The following DNAH6 variants were observed in gnomAD, a reference collection of about 807,000 sequenced individuals.
The protein encoded by DNAH6 is dynein axonemal heavy chain 6.
Under a neutral mutation model 491.4 loss-of-function variants are expected in DNAH6, and 340 were observed. That is an observed-to-expected ratio of 0.69 (90% confidence interval 0.63 to 0.76). The LOEUF (loss-of-function observed/expected upper bound fraction) is 0.76. Ranked by LOEUF, DNAH6 falls within the 30% of genes least tolerant of loss-of-function variation. The pLI, the probability that DNAH6 is intolerant of heterozygous loss-of-function variation, is 0.00. For synonymous variants in DNAH6, 1,603 were observed against 1,686.1 expected (o/e 0.95, Z 1.21); for missense variants, 4,443 against 4,972.2 (o/e 0.89, Z 3.20).
chr2:84,706,827 C>A, intron 52 of DNAH6, 69 bp from the exon 53 acceptor site: 5 of 1,474,402 alleles, frequency 3.4e-6, no homozygotes, highest in Non-Finnish European at 4.5e-6. Flanking sequence ...TTTTTTAGAT[C>A]TGTATTATTA....
At chr2:84,486,030 T>A in the DNAH6 span, among the ~76,000 whole-genome samples, 855 of 152,316 alleles carry the variant, frequency 5.6e-3, 5 homozygotes, top group African/African-American at 0.019. Context: ...ATACTTGCGA[T>A]ACTAAGTTGT....
At chr2:84,797,445 C>T in intron 69 of DNAH6, 92 bp from the exon 70 acceptor site, 1 of 1,220,160 alleles carries the variant, frequency 8.2e-7, no homozygotes, top group Non-Finnish European at 1.1e-6. Context: ...CTGATTGCAG[C>T]CACCATCTGC....
chr2:84,716,794 G>A (rs144517810), intron 58 of DNAH6, among the ~76,000 whole-genome samples: 28 of 152,262 alleles, frequency 1.8e-4, no homozygotes, highest in African/African-American at 6.7e-4. Flanking sequence ...CAGTCATGGT[G>A]TGCAGTATCT....
chr2:84,713,152 A>G lies in DNAH6; in HGVS notation c.9436A>G (p.Ser3146Gly), dbSNP rs72832548. 3.7e-3 allele frequency: 5,795 copies of G among 1,551,746 alleles called. 20 individuals carry two copies. Among genetic ancestry groups the G allele is most frequent in the Non-Finnish European group, 4.7e-3 (5,412 of 1,146,964 alleles). The change falls in exon 57 of 77, where the codon AGT becomes GGT. Residue 3146 changes from serine (S) to glycine (G), a missense_variant. Around this residue, in one of 3 missense-constraint regions of DNAH6, gnomAD observed 1,463 missense variants for 1,656.6 expected, o/e 0.88. Coordinates refer to ENST00000389394, the MANE Select transcript of DNAH6 (RefSeq NM_001370.2). ...CATTCTTTTGAAACAAATTTTTATC[A>G]GTGGTGGCCGACTACTCATCCGTCT... ...EPILLKQIFI[S>G]GGRLLIRLGD...
chr2:84,778,033 A>C, intron 64 of DNAH6: 1 of 1,013,722 alleles, frequency 9.9e-7, no homozygotes, highest in Non-Finnish European at 1.6e-6. Flanking sequence ...TTGGTGTTCT[A>C]AGGAAAAGGC....
intron 5 of DNAH6, among the ~76,000 whole-genome samples, chr2:84,545,235 C>T (rs980428152): frequency 6.6e-6 from 1 of 152,050 alleles, no homozygotes; most frequent in Non-Finnish European, 1.5e-5. Context: ...ATCAACATGC[C>T]AGTCACACAA....
intron 63 of DNAH6, among the ~76,000 whole-genome samples, chr2:84,750,545 G>A (rs1004590459): frequency 6.6e-6 from 1 of 152,020 alleles, no homozygotes; most frequent in African/African-American, 2.4e-5. Context: ...ATTACTAAAG[G>A]ATAAGATCAT....
chr2:84,629,546 A>G (rs1688195535), intron 29 of DNAH6, among the ~76,000 whole-genome samples: 1 of 152,142 alleles, frequency 6.6e-6, no homozygotes, highest in African/African-American at 2.4e-5. Flanking sequence ...TGAAATACCT[A>G]TTTACATCTT....
At chr2:84,564,577 G>A (rs917130932) in intron 11 of DNAH6, among the ~76,000 whole-genome samples, 2 of 152,060 alleles carry the variant, frequency 1.3e-5, no homozygotes, top group Non-Finnish European at 2.9e-5. Context: ...ATCAGTTCTA[G>A]GGGCCTTTTG....
At chr2:84,801,505 A>G (rs1406118512) in intron 70 of DNAH6, among the ~76,000 whole-genome samples, 1 of 152,164 alleles carries the variant, frequency 6.6e-6, no homozygotes, top group Non-Finnish European at 1.5e-5. Context: ...TATAAGGGGA[A>G]TCCTATCAGA....
At chr2:84,552,061 A>C (rs932931042) in intron 9 of DNAH6, among the ~76,000 whole-genome samples, 1 of 152,076 alleles carries the variant, frequency 6.6e-6, no homozygotes, top group African/African-American at 2.4e-5. Context: ...AAAAAAAAAA[A>C]AAAAAAGAAT....
Position 84,594,071 on chromosome 2 carries a change from C to A in DNAH6, c.2710C>A (p.Gln904Lys), listed in dbSNP as rs1684350637. 2.6e-6 allele frequency: 4 copies of A among 1,543,498 alleles called. No homozygotes were observed. The highest frequency in any genetic ancestry group is 2.0e-5 in the Admixed American group (1 of 50,796). The change falls in exon 17 of 77, where the codon CAA (glutamine) becomes AAA (lysine). Residue 904 changes from glutamine (Q) to lysine (K), a missense_variant. Gln to Lys is a moderately conservative substitution (Grantham distance 53). Coordinates refer to ENST00000389394, the MANE Select transcript of DNAH6 (RefSeq NM_001370.2). ...TTTCTCTGAATGGGATAAACTCCAA[C>A]AAGAATGGTTAAAGGTAGGGGAAAA... ...DSFSEWDKLQ[Q>K]EWLKSKFDCL...
At chr2:84,617,337 C>T (rs927914522) in intron 23 of DNAH6, among the ~76,000 whole-genome samples, 4 of 151,892 alleles carry the variant, frequency 2.6e-5, no homozygotes, top group African/African-American at 9.7e-5. Context: ...AAGCATTTAT[C>T]CTTTGTGTTA....
At chr2:84,554,075 T>C (rs1174369802) in intron 10 of DNAH6, among the ~76,000 whole-genome samples, 1 of 152,220 alleles carries the variant, frequency 6.6e-6, no homozygotes, top group East Asian at 1.9e-4. Flanking sequence ...AGAAACCATC[T>C]GTAGTTCCTT....
intron 64 of DNAH6, among the ~76,000 whole-genome samples, chr2:84,765,145 G>A (rs1174089957): frequency 6.6e-6 from 1 of 151,948 alleles, no homozygotes; most frequent in East Asian, 1.9e-4. Flanking sequence ...GCAAATAATT[G>A]CATGTATTAT....
intron 70 of DNAH6, among the ~76,000 whole-genome samples, chr2:84,801,810 G>A (rs975458501): frequency 2.0e-5 from 3 of 151,598 alleles, no homozygotes; most frequent in Non-Finnish European, 4.4e-5. Flanking sequence ...CTTGAACCCA[G>A]GAGGCAGAGG....
At chr2:84,657,647 T>C (rs2104585098) in intron 35 of DNAH6, among the ~76,000 whole-genome samples, 1 of 152,182 alleles carries the variant, frequency 6.6e-6, no homozygotes, top group South Asian at 2.1e-4. Context: ...TTGACTTGTA[T>C]ATGTTAACCT....
chr2:84,474,897 G>A, the DNAH6 span, among the ~76,000 whole-genome samples: 1 of 152,146 alleles, frequency 6.6e-6, no homozygotes, highest in Non-Finnish European at 1.5e-5. Flanking sequence ...TTTTTTGTCA[G>A]ACACTTGATT....
chr2:84,480,570 A>G, the DNAH6 span, among the ~76,000 whole-genome samples: 1 of 152,244 alleles, frequency 6.6e-6, no homozygotes, highest in African/African-American at 2.4e-5. Flanking sequence ...ATCCTAGTAG[A>G]TAATAGTAAA....
Sources: allele counts gnomAD v4.1 joint callset (sites outside exome capture counted in the v4.1 genomes callset), GRCh38; gene constraint gnomAD v4.1.1; regional missense constraint gnomAD v4.1.1; transcripts MANE v1.5; gene names NCBI Gene and HGNC (gene_info 2026-07-23, HGNC 2026-07-21).